Variants in SERP2 observed in about 807,000 individuals in gnomAD.
SERP2 encodes stress-associated endoplasmic reticulum protein 2.
A neutral mutation model predicts 9.1 loss-of-function variants in SERP2; 6 were observed. That is an observed-to-expected ratio of 0.66 (90% CI 0.36 to 1.30). The LOEUF (loss-of-function observed/expected upper bound fraction) is 1.30. Among genes scored for constraint, SERP2 ranks in the 50% most tolerant of loss-of-function variants. SERP2 has a pLI of 0.03. For missense variants in SERP2, 58 were observed against 81.9 expected, an observed-to-expected ratio of 0.71 and a Z score of 1.13; for synonymous variants, 37 against 27.3, an observed-to-expected ratio of 1.35 and a Z score of -1.10.
intron 2 of SERP2, chr13:44,390,541 A>G (rs1041231826): frequency 4.6e-6 from 2 of 431,168 alleles, no homozygotes; most frequent in Non-Finnish European, 9.3e-6. Flanking sequence ...TGAGATGCAC[A>G]GCCTGAAGAC....
At chr13:44,379,879 AAT>A (rs1462020064) in intron 2 of SERP2, among the ~76,000 whole-genome samples, 166 bp downstream of exon 2, 2 of 152,226 alleles carry the variant, frequency 1.3e-5, no homozygotes, top group Non-Finnish European at 2.9e-5. Flanking sequence ...TTCTATTCCA[AAT>A]ATAGGTAGAG....
rs1871951249 is a variant in SERP2 at position 44,381,213 on chromosome 13, G to A, written c.157+1500G>A. 2.0e-5 allele frequency among the ~76,000 whole-genome samples: 3 copies of A among 147,416 alleles called. No individual in the cohort carries two copies. In the South Asian group the frequency reaches 6.6e-4, roughly 32 times the overall value. On this transcript the variant is annotated intron_variant, in intron 2 of 2. Transcript: ENST00000379179. ...AGATCGCGCCATTGCACTCCAGCCT[G>A]GGCAACAAGAGTGAAACTCCGTCTC...
chr13:44,396,010 G>GT (rs1566096611), intron 2 of SERP2: 1 of 283,294 alleles, frequency 3.5e-6, no homozygotes, highest in African/African-American at 2.2e-5. Flanking sequence ...TCAGTTACTG[G>GT]TTTTCATTAT....
In SERP2 at chr13:44,397,567, C is replaced by T. The variant is rs1284871947; in HGVS notation, c.*255C>T. On this transcript the variant is annotated 3_prime_UTR_variant, in exon 3 of 3. Transcript: ENST00000379179. ...AGGATTAGTAGCCACGCGGGTCGTC[C>T]GCAGCAGTGCTGTTTTTTTGGTTTT... 9 of 544,924 alleles carry T rather than the reference C, an allele frequency of 1.7e-5. No homozygotes were observed. The highest frequency in any genetic ancestry group is 3.0e-5 in the Non-Finnish European group (9 of 303,402). 33.8% of individuals were successfully genotyped at this position (544,924 alleles called of 1,614,324 possible).
intron 2 of SERP2, among the ~76,000 whole-genome samples, chr13:44,391,923 TG>T (rs1872792882): frequency 6.6e-6 from 1 of 151,888 alleles, no homozygotes; most frequent in Non-Finnish European, 1.5e-5. Context: ...GTAAAAGCCC[TG>T]TGGTCTCACT....
chr13:44,383,686 T>C (rs1343602243), intron 2 of SERP2, among the ~76,000 whole-genome samples: 1 of 151,480 alleles, frequency 6.6e-6, no homozygotes, highest in Non-Finnish European at 1.5e-5. Context: ...TAGCTGGAAC[T>C]GCAAGCACGC....
chr13:44,374,130 G>T (rs369961302), intron 1 of SERP2, 21 bp downstream of exon 1: 62 of 1,185,978 alleles, frequency 5.2e-5, no homozygotes, highest in Middle Eastern at 4.9e-4. Context: ...GTCGGCGCCG[G>T]CCAGGCAGAG....
chr13:44,396,809 G>C (rs1330762446), intron 2 of SERP2, among the ~76,000 whole-genome samples: 1 of 152,240 alleles, frequency 6.6e-6, no homozygotes. Context: ...GACAGAGGCC[G>C]GGCCCCGTGG....
At chr13:44,393,098 A>G (rs1448515471) in intron 2 of SERP2, among the ~76,000 whole-genome samples, 1 of 152,174 alleles carries the variant, frequency 6.6e-6, no homozygotes, top group African/African-American at 2.4e-5. Flanking sequence ...AGAAGGTGGA[A>G]GAATGCCTGT....
intron 1 of SERP2, 52 bp downstream of exon 1, chr13:44,374,161 GGGCGGAAGGTGGGGGC>G (rs1871486445): frequency 1.5e-5 from 9 of 588,636 alleles, no homozygotes; most frequent in Non-Finnish European, 2.4e-5. Context: ...CGGCGGGGTG[GGGCGGAAGGTGGGGGC>G]GGGGCCGGGC....
intron 1 of SERP2, 150 bp from the exon 2 acceptor site, chr13:44,379,491 A>G (rs1430706897): frequency 2.0e-6 from 1 of 511,978 alleles, no homozygotes; most frequent in Non-Finnish European, 3.6e-6. Context: ...AATGGACTTC[A>G]TTCATCTATA....
intron 1 of SERP2, among the ~76,000 whole-genome samples, chr13:44,377,101 T>C (rs1255066169): frequency 6.6e-6 from 1 of 152,202 alleles, no homozygotes; most frequent in Non-Finnish European, 1.5e-5. Flanking sequence ...AAAAAAGATA[T>C]ATGGGTACTA....
chr13:44,397,176 A>G lies in SERP2; in HGVS notation c.158-96A>G, dbSNP rs1333096720. 82 of 922,008 alleles carry G rather than the reference A, an allele frequency of 8.9e-5. 1 individual carries two copies. Among genetic ancestry groups the G allele is most frequent in the Non-Finnish European group, 5.4e-6 (3 of 553,696 alleles). 57.1% of individuals were successfully genotyped at this position (922,008 alleles called of 1,614,324 possible). A position where few individuals can be genotyped will look rare whatever the true frequency, so the allele number is the denominator to read the frequency against. ...CTAATCAGCTGTGAGCTAACACGTC[A>G]GGGCCCAGGGGTCTGCAGAAGCCGG... On this transcript the variant is annotated intron_variant, in intron 2 of 2. Coordinates refer to ENST00000379179, the MANE Select transcript of SERP2 (RefSeq NM_001010897.3).
intron 2 of SERP2, among the ~76,000 whole-genome samples, chr13:44,381,768 A>G (rs1771407140): frequency 6.6e-6 from 1 of 152,162 alleles, no homozygotes; most frequent in African/African-American, 2.4e-5. Context: ...AACTTCCTGC[A>G]ACCCCGGAAA....
At chr13:44,385,036 T>G (rs888148256) in intron 2 of SERP2, among the ~76,000 whole-genome samples, 10 of 152,232 alleles carry the variant, frequency 6.6e-5, no homozygotes, top group Admixed American at 6.5e-4. Context: ...CTGGCTGTCT[T>G]CTGGGAAAGA....
At chr13:44,395,698 G>A (rs1595059698) in intron 2 of SERP2, 1 of 357,390 alleles carries the variant, frequency 2.8e-6, no homozygotes, top group African/African-American at 2.1e-5. Context: ...CAAGTTGTTG[G>A]ACCAACACCT....
At chr13:44,375,733 A>G (rs1206504337) in intron 1 of SERP2, among the ~76,000 whole-genome samples, 1 of 152,216 alleles carries the variant, frequency 6.6e-6, no homozygotes, top group Non-Finnish European at 1.5e-5. Context: ...AGCTTATCTG[A>G]TTACAAAAGT....
chr13:44,384,969 G>A (rs1013520420), intron 2 of SERP2, among the ~76,000 whole-genome samples: 15 of 152,180 alleles, frequency 9.9e-5, no homozygotes, highest in African/African-American at 3.4e-4. Flanking sequence ...GTGTACCTAG[G>A]GTAAATAAAT....
chr13:44,384,236 G>C (rs1872189811), intron 2 of SERP2, among the ~76,000 whole-genome samples: 1 of 152,018 alleles, frequency 6.6e-6, no homozygotes, highest in Non-Finnish European at 1.5e-5. Flanking sequence ...ATCCGTCCCT[G>C]TTGCCACCTC....
Sources: allele counts gnomAD v4.1 joint callset (sites outside exome capture counted in the v4.1 genomes callset), GRCh38; gene constraint gnomAD v4.1.1; transcripts MANE v1.5; gene names NCBI Gene and HGNC (gene_info 2026-07-23, HGNC 2026-07-21).